The following METTL24 variants were observed in gnomAD, a reference collection of about 807,000 sequenced individuals.
METTL24 encodes probable methyltransferase-like protein 24.
In METTL24, 29 loss-of-function variants were observed where a neutral mutation model predicts 32.7. The ratio of observed to expected loss-of-function variants is 0.89; its 90% CI spans 0.66 to 1.21. METTL24 has a LOEUF of 1.21. Ranked by LOEUF, METTL24 falls within the 50% of genes most tolerant of loss-of-function variation. The pLI, the probability that METTL24 is intolerant of heterozygous loss-of-function variation, is 0.00. For missense variants in METTL24, 439 were observed against 468.1 expected, an observed-to-expected ratio of 0.94 and a Z score of 0.57; for synonymous variants, 163 against 179.5, an observed-to-expected ratio of 0.91 and a Z score of 0.73.
At chr6:110,256,882 T>C (rs890987809) in intron 4 of METTL24, among the ~76,000 whole-genome samples, 1 of 152,166 alleles carries the variant, frequency 6.6e-6, no homozygotes, top group Admixed American at 6.5e-5. Context: ...CACTTCCTTT[T>C]TGTGTGCCCG....
chr6:110,273,082 A>T (rs1391768584), intron 4 of METTL24, among the ~76,000 whole-genome samples: 3 of 152,016 alleles, frequency 2.0e-5, no homozygotes, highest in African/African-American at 7.2e-5. Flanking sequence ...ATCCTCTAGA[A>T]TTTTTATGGT....
At chr6:110,251,958 A>G (rs1778287805) in intron 4 of METTL24, among the ~76,000 whole-genome samples, 1 of 152,168 alleles carries the variant, frequency 6.6e-6, no homozygotes, top group Non-Finnish European at 1.5e-5. Flanking sequence ...AGCCTAGCCA[A>G]CATGGCGAAA....
chr6:110,308,227 T>C (rs926912695), intron 3 of METTL24, among the ~76,000 whole-genome samples: 2 of 152,172 alleles, frequency 1.3e-5, no homozygotes, highest in African/African-American at 4.8e-5. Context: ...TGTATGAAGG[T>C]ATTCTTTGGA....
At chr6:110,299,785 G>A (rs746156910) in intron 3 of METTL24, among the ~76,000 whole-genome samples, 2 of 152,104 alleles carry the variant, frequency 1.3e-5, no homozygotes, top group Non-Finnish European at 2.9e-5. Flanking sequence ...TCAATAGGTA[G>A]CACACCATAC....
At chr6:110,325,521 G>A (rs58427453) in intron 1 of METTL24, among the ~76,000 whole-genome samples, 14 of 146,094 alleles carry the variant, frequency 9.6e-5, no homozygotes, top group Admixed American at 2.7e-4. Context: ...GGCCTAAAAG[G>A]GGGGGTTGAC....
At chr6:110,334,106 A>G (rs1423152894) in intron 1 of METTL24, among the ~76,000 whole-genome samples, 4 of 151,398 alleles carry the variant, frequency 2.6e-5, no homozygotes, top group Non-Finnish European at 2.9e-5. Flanking sequence ...GAGAAAACAG[A>G]GGAAAGGGGG....
At chr6:110,332,163 C>A (rs1266743722) in intron 1 of METTL24, among the ~76,000 whole-genome samples, 2 of 152,150 alleles carry the variant, frequency 1.3e-5, no homozygotes, top group Non-Finnish European at 2.9e-5. Flanking sequence ...GTCCTGATAA[C>A]TTTTAGGAAG....
At chr6:110,274,772 C>CTT (rs34193104) in intron 4 of METTL24, among the ~76,000 whole-genome samples, 4 of 113,550 alleles carry the variant, frequency 3.5e-5, no homozygotes, top group African/African-American at 1.2e-4. Flanking sequence ...ATTTTGGTAG[C>CTT]TTTTTTTTTT....
At chr6:110,288,685 C>A (rs961828607) in intron 4 of METTL24, among the ~76,000 whole-genome samples, 2 of 152,062 alleles carry the variant, frequency 1.3e-5, no homozygotes, top group East Asian at 3.9e-4. Context: ...AAGGACACAG[C>A]AGAGCTCAAA....
intron 4 of METTL24, among the ~76,000 whole-genome samples, chr6:110,266,374 T>A (rs1184003590): frequency 6.6e-6 from 1 of 152,014 alleles, no homozygotes; most frequent in East Asian, 1.9e-4. Flanking sequence ...AAGTGGTTAG[T>A]GGATGTGCGA....
intron 1 of METTL24, among the ~76,000 whole-genome samples, chr6:110,350,036 T>A (rs1761771672): frequency 6.6e-6 from 1 of 152,238 alleles, no homozygotes; most frequent in South Asian, 2.1e-4. Context: ...CTGCTTTGCA[T>A]CTGTAGGGTA....
intron 4 of METTL24, among the ~76,000 whole-genome samples, chr6:110,256,168 TAC>T (rs1029505214): frequency 2.0e-5 from 3 of 151,880 alleles, no homozygotes; most frequent in East Asian, 1.9e-4. Flanking sequence ...CACATGTGCA[TAC>T]ACACACACAC....
chr6:110,295,794 A>AAAGGAAGGAAGGAAGGAAGG (rs71018387), intron 4 of METTL24, among the ~76,000 whole-genome samples: 5,248 of 136,192 alleles, frequency 0.039, 199 homozygotes, highest in East Asian at 0.1. Context: ...AGAAAGAAAG[A>AAAGGAAGGAAGGAAGGAAGG]AAGGAAGGAA....
rs777935788 is a variant in METTL24, at chr6:110,332,909, G to GA, written c.319-10038dup. Among the ~76,000 whole-genome samples the GA allele has an allele frequency of 9.5e-3, 1,125 of 118,722 alleles. 12 individuals carry two copies. The highest frequency in any genetic ancestry group is 0.029 in the African/African-American group (946 of 32,232). The allele number at this position is 118,722 out of a possible 152,430, so 77.9% of individuals were successfully genotyped here. A position where few individuals can be genotyped will look rare whatever the true frequency, so the allele number is the denominator to read the frequency against. Reference sequence around the variant, plus strand: ...GGGCAACAGAAGGACAACATTTATCGAAAAAAAAAAAAAAGCAAGTGTGCC... The same window carrying GA: ...GGGCAACAGAAGGACAACATTTATCGAAAAAAAAAAAAAAAGCAAGTGTGCC... On this transcript the variant is annotated intron_variant, in intron 1 of 4. Coordinates refer to ENST00000338882, the MANE Select transcript of METTL24 (RefSeq NM_001123364.3).
At chr6:110,347,474 G>A (rs62435945) in intron 1 of METTL24, among the ~76,000 whole-genome samples, 6,109 of 152,278 alleles carry the variant, frequency 0.04, 165 homozygotes, top group Non-Finnish European at 0.061. Flanking sequence ...ACTTTATTGT[G>A]TTGACTGAGT....
intron 3 of METTL24, 143 bp from the exon 4 acceptor site, chr6:110,299,293 A>G: frequency 3.0e-6 from 2 of 659,936 alleles, no homozygotes; most frequent in Non-Finnish European, 5.1e-6. Flanking sequence ...GTACACATTC[A>G]ATAAACTTTC....
chr6:110,315,372 C>A lies in METTL24; in HGVS notation c.527G>T (p.Arg176Leu), dbSNP rs748963544. 7 of 1,613,956 alleles carry A rather than the reference C, an allele frequency of 4.3e-6. No individual in the cohort carries two copies. The highest frequency in any genetic ancestry group is 5.1e-6 in the Non-Finnish European group (6 of 1,180,024). ...GGAGTAGAGGCGGCACTGCTTGTTG[C>A]GGATTTGATGAGCTAAATTGAACCT... ...DDRFNLAHQI[R>L]NKQCRLYSLG... The change falls in exon 3 of 5, where the codon CGC becomes CTC. Residue 176 changes from arginine to leucine, a missense_variant. Coordinates refer to ENST00000338882, the MANE Select transcript of METTL24 (RefSeq NM_001123364.3).
intron 3 of METTL24, among the ~76,000 whole-genome samples, chr6:110,301,523 A>G (rs921324639): frequency 6.6e-6 from 1 of 152,198 alleles, no homozygotes; most frequent in Non-Finnish European, 1.5e-5. Context: ...TGTCATCATG[A>G]TAAAAACGTG....
intron 3 of METTL24, among the ~76,000 whole-genome samples, chr6:110,307,414 G>C (rs1771645177): frequency 6.6e-6 from 1 of 152,218 alleles, no homozygotes; most frequent in Non-Finnish European, 1.5e-5. Flanking sequence ...AATTTTGCTT[G>C]AAAGAAATAT....
Sources: allele counts gnomAD v4.1 joint callset (sites outside exome capture counted in the v4.1 genomes callset), GRCh38; gene constraint gnomAD v4.1.1; transcripts MANE v1.5; gene names NCBI Gene and HGNC (gene_info 2026-07-23, HGNC 2026-07-21).